SBF1: variants seen among roughly 807,000 people sequenced by gnomAD.
SBF1 encodes the protein SET binding factor 1, also known as myotubularin-related protein 5.
A neutral mutation model predicts 215.8 loss-of-function variants in SBF1; 65 were observed. The observed-to-expected ratio is 0.30, with a 90% CI of 0.25 to 0.37. The LOEUF (loss-of-function observed/expected upper bound fraction) is 0.37, where lower values mean the gene tolerates loss of function less well. SBF1 is among the 10% of genes least tolerant of loss of function. The pLI is 1.00. For missense variants in SBF1, 2,634 were observed against 2,667.8 expected (o/e 0.99, Z 0.28); for synonymous variants, 1,410 against 1,122.8 (o/e 1.26, Z -5.11).
intron 16 of SBF1, 141 bp from the exon 17 acceptor site, chr22:50,463,079 C>T: frequency 8.8e-7 from 1 of 1,132,250 alleles, no homozygotes; most frequent in South Asian, 1.4e-5. Flanking sequence ...GCCTCAGAGG[C>T]TCAATATCAG....
rs1035986959 is a variant in SBF1 at position 50,446,563 on chromosome 22, G to A, written c.*579C>T. 3.3e-6 allele frequency: 1 copy of A among 299,168 alleles called. No homozygotes were observed. The highest frequency in any genetic ancestry group is 6.7e-6 in the Non-Finnish European group (1 of 150,234). 18.5% of individuals were successfully genotyped at this position (299,168 alleles called of 1,614,324 possible). ...TCCTCTCCAGCCGTGCCGGCCCCTA[G>A]ACCAGCCCTGAGGCGTGGAGGGAAT... On this transcript the variant is annotated 3_prime_UTR_variant, in exon 41 of 41. Transcript: ENST00000380817.
chr22:50,451,946 G>A (rs551281167), intron 36 of SBF1, among the ~76,000 whole-genome samples: 4 of 151,884 alleles, frequency 2.6e-5, no homozygotes, highest in South Asian at 2.1e-4. Context: ...ACAGGCACCC[G>A]CCACCATGCT....
rs1603432969 is a variant in SBF1, at chr22:50,462,284, T to C, written c.2317A>G (p.Ser773Gly). The change falls in exon 19 of 41, where the codon AGC (serine) becomes GGC (glycine). Residue 773 changes from serine to glycine, a missense_variant. Physicochemically the swap from Ser to Gly is moderately conservative, Grantham distance 56 (BLOSUM62 0). Coordinates refer to ENST00000380817, the MANE Select transcript of SBF1 (RefSeq NM_002972.4). ...TCCCGAAGTAGGCGGCTCTTGCTGC[T>C]GTCCAGGGGCAGGAGGAGGTAGCTC... ...RMSYLLLPLDSSKSRLLRERA... is the reference protein window; with the variant it reads ...RMSYLLLPLDGSKSRLLRERA... The C allele has an allele frequency of 6.2e-7, 1 of 1,613,196 alleles. No homozygotes were observed. Among genetic ancestry groups the C allele is most frequent in the East Asian group, 2.2e-5 (1 of 44,884 alleles).
rs901389556 is a variant in SBF1 at position 50,447,472 on chromosome 22, T to C, written c.5452-19A>G. On this transcript the variant is annotated intron_variant, in intron 39 of 40. Transcript: ENST00000380817. Reference sequence around the variant, plus strand: ...AGCGCAGCTGGAGGAGGCCACAGAGTCAGCGGAGCCCCCTCCCCCGTGAGT... The same window carrying C: ...AGCGCAGCTGGAGGAGGCCACAGAGCCAGCGGAGCCCCCTCCCCCGTGAGT... The C allele has an allele frequency of 6.2e-7, 1 of 1,609,858 alleles. No individual in the cohort carries two copies. Among genetic ancestry groups the C allele is most frequent in the Non-Finnish European group, 8.5e-7 (1 of 1,177,346 alleles).
chr22:50,450,198 A>AAGGCCTGGCAGAGGC (rs1389170789), intron 36 of SBF1, among the ~76,000 whole-genome samples: 2 of 152,212 alleles, frequency 1.3e-5, no homozygotes, highest in East Asian at 3.8e-4. Flanking sequence ...AAGATGTCAC[A>AAGGCCTGGCAGAGGC]AGGCCTGGCA....
chr22:50,455,794 C>A (rs762501878), intron 31 of SBF1: 3 of 602,982 alleles, frequency 5.0e-6, no homozygotes, highest in Middle Eastern at 4.5e-4. Flanking sequence ...CAGCCCACCC[C>A]CTTCCAAGCC....
Position 50,466,042 on chromosome 22 carries a change from C to T in SBF1, c.930G>A (p.Gly310=), listed in dbSNP as rs545657960. The change falls in exon 9 of 41, where the codon GGG becomes GGA. Residue 310 remains glycine, a synonymous_variant. Coordinates refer to ENST00000380817, the MANE Select transcript of SBF1 (RefSeq NM_002972.4). ...GCACACACTCAGGAATGGTGACCGT[C>T]CCTCCATCCAGATCAGCAACAATCA... ...LDVIVADLDG[G]TVTIPECVHI... The T allele has an allele frequency of 6.2e-7, 1 of 1,613,948 alleles. No homozygotes were observed. The highest frequency in any genetic ancestry group is 2.2e-5 in the East Asian group (1 of 44,890).
At position 50,459,492 on chromosome 22, in the gene SBF1, C is replaced by T. The variant is rs373529561; in HGVS notation, c.3666G>A (p.Lys1222=). Reference sequence around the variant, plus strand: ...TACCTGGAGAAGGTGCGTTCTGGGCCTTGAAGAGGCCGACGACACCTTTGC... The same window carrying T: ...TACCTGGAGAAGGTGCGTTCTGGGCTTTGAAGAGGCCGACGACACCTTTGC... ...LHGKGVVGLF[K]AQNAPSPGQS... Residue 1222 remains lysine (K), a synonymous_variant, in exon 27 of 41, where the codon AAG becomes AAA. Coordinates refer to ENST00000380817, the MANE Select transcript of SBF1 (RefSeq NM_002972.4). The T allele has an allele frequency of 1.7e-3, 2,706 of 1,610,312 alleles. 13 individuals are homozygous for T. Among genetic ancestry groups the T allele is most frequent in the South Asian group, 3.3e-3 (300 of 91,072 alleles).
Position 50,454,928 on chromosome 22 carries a change from C to T in SBF1, c.4698G>A (p.Glu1566=). 6.2e-7 allele frequency: 1 copy of T among 1,613,918 alleles called. No homozygotes were observed. The highest frequency in any genetic ancestry group is 8.5e-7 in the Non-Finnish European group (1 of 1,179,876). ...ERIELGLLYE[E]KGERRGQVPC... is the part of the protein sequence containing the mutation. ...GCACCTGGCCCCTGCGTTCCCCCTT[C>T]TCCTCATACAGCAGCCCTGCACAGA... The change falls in exon 35 of 41, where the codon GAG becomes GAA. Residue 1566 remains glutamate, a synonymous_variant. Transcript: ENST00000380817.
At chr22:50,448,113 G>A (rs2066906219) in intron 38 of SBF1, 120 bp downstream of exon 38, 2 of 876,586 alleles carry the variant, frequency 2.3e-6, no homozygotes, top group African/African-American at 3.3e-5. Context: ...CCCTCCCAGT[G>A]GTGGTGTATA....
In SBF1 at chr22:50,460,313, C is replaced by T. The variant is rs767613094; in HGVS notation, c.3242G>A (p.Arg1081Gln). The change falls in exon 25 of 41, where the codon CGG becomes CAG. Residue 1081 changes from arginine (R) to glutamine (Q), a missense_variant. Physicochemically the swap from Arg to Gln is conservative, Grantham distance 43. Coordinates refer to ENST00000380817, the MANE Select transcript of SBF1 (RefSeq NM_002972.4). ...CTGGTCCTCAGGGGGCGGCTGGCCC[C>T]GGTGCTCCCAGCTGGGGGGGTTGTA... is the stretch of plus-strand genomic sequence containing the variant. ...KKYNPPSWEH[R>Q]GQPPPEDQED... 53 of 1,611,806 alleles carry T rather than the reference C, an allele frequency of 3.3e-5. No individual in the cohort carries two copies. The highest frequency in any genetic ancestry group is 1.6e-4 in the Middle Eastern group (1 of 6,072).
Position 50,461,838 on chromosome 22 carries a change from C to T in SBF1, c.2601G>A (p.Glu867=), listed in dbSNP as rs751480383. The part of the protein sequence containing the change: ...DIVQMHIETL[E]AVQRESRRLP... ...GCCTCCGGCTCTCCCGCTGCACGGC[C>T]TCCAGGGTCTCGATGTGCATCTGGA... Residue 867 remains glutamate, a synonymous_variant, in exon 21 of 41, where the codon GAG becomes GAA. Coordinates refer to ENST00000380817, the MANE Select transcript of SBF1 (RefSeq NM_002972.4). 6.2e-7 allele frequency: 1 copy of T among 1,613,840 alleles called. No homozygotes were observed. Among genetic ancestry groups the T allele is most frequent in the Non-Finnish European group, 8.5e-7 (1 of 1,180,038 alleles).
In SBF1 at chr22:50,454,599, G is replaced by A. The variant is rs141652490; in HGVS notation, c.4956C>T (p.Gly1652=). 5.0e-5 allele frequency: 80 copies of A among 1,609,722 alleles called. No homozygotes were observed. Among genetic ancestry groups the A allele is most frequent in the South Asian group, 2.9e-4 (26 of 90,638 alleles). ...CCACGCGGCGCCTGCTCTGGGGAGC[G>A]CCTCCATCAGACCGTTCTTCCTCTG... ...EPPEEERSDG[G]APQSRRRVVW... is the part of the protein sequence containing the mutation. The change falls in exon 36 of 41, where the codon GGC becomes GGT. Residue 1652 remains glycine, a synonymous_variant. Transcript: ENST00000380817.
chr22:50,456,786 G>T, intron 29 of SBF1, 113 bp from the exon 30 acceptor site: 1 of 966,684 alleles, frequency 1.0e-6, no homozygotes, highest in Non-Finnish European at 1.5e-6. Flanking sequence ...AGGGGTGGTT[G>T]GCAGGACCCC....
intron 26 of SBF1, 119 bp from the exon 27 acceptor site, chr22:50,459,785 C>T (rs376365680): frequency 3.0e-6 from 4 of 1,333,656 alleles, no homozygotes; most frequent in East Asian, 2.5e-5. Flanking sequence ...TCCAGCTCAG[C>T]CACGGGGCCC....
At chr22:50,470,684 G>A (rs1379219732) in intron 1 of SBF1, among the ~76,000 whole-genome samples, 1 of 152,218 alleles carries the variant, frequency 6.6e-6, no homozygotes, top group East Asian at 1.9e-4. Flanking sequence ...GCACCTGTTG[G>A]CTTGGCTGGG....
chr22:50,471,594 G>A (rs544286576), intron 1 of SBF1, among the ~76,000 whole-genome samples: 13 of 152,248 alleles, frequency 8.5e-5, no homozygotes, highest in African/African-American at 2.9e-4. Flanking sequence ...TTCCTGCTAC[G>A]CCACCCACCC....
rs1481163594 is a variant in SBF1, at chr22:50,454,624, G to A, written c.4931C>T (p.Pro1644Leu). Residue 1644 changes from proline (P) to leucine (L), a missense_variant, in exon 36 of 41, where the codon CCA (proline) becomes CTA (leucine). Pro to Leu is a moderately conservative substitution (Grantham distance 98, BLOSUM62 -3). Coordinates refer to ENST00000380817, the MANE Select transcript of SBF1 (RefSeq NM_002972.4). ...WELAQGPPEP[P>L]EEERSDGGAP... is the part of the protein sequence containing the mutation. ...GCCTCCATCAGACCGTTCTTCCTCT[G>A]GGGGTTCAGGGGGCCCCTGGGCCAG... 3.1e-6 allele frequency: 5 copies of A among 1,602,516 alleles called. No individual in the cohort carries two copies. The highest frequency in any genetic ancestry group is 1.7e-5 in the Admixed American group (1 of 58,638).
intron 36 of SBF1, among the ~76,000 whole-genome samples, chr22:50,449,895 G>A (rs1233961825): frequency 6.6e-6 from 1 of 152,156 alleles, no homozygotes; most frequent in Non-Finnish European, 1.5e-5. Context: ...GTTTCCAGAT[G>A]TCAGACAAGC....
Sources: allele counts gnomAD v4.1 joint callset (sites outside exome capture counted in the v4.1 genomes callset), GRCh38; gene constraint gnomAD v4.1.1; transcripts MANE v1.5; gene names NCBI Gene and HGNC (gene_info 2026-07-23, HGNC 2026-07-21).